RBL2: variants seen among roughly 807,000 people sequenced by gnomAD.
RBL2 encodes RB transcriptional corepressor like 2, also known as retinoblastoma-like protein 2.
RBL2 carries 56 observed loss-of-function variants against 126.0 expected under a neutral mutation model. That is an observed-to-expected ratio of 0.44 (90% CI 0.36 to 0.56). RBL2 has a LOEUF of 0.56. Ranked by LOEUF, RBL2 falls within the 20% of genes least tolerant of loss-of-function variation. The pLI is 0.00. For missense variants in RBL2, 1,229 were observed against 1,398.2 expected, an observed-to-expected ratio of 0.88 and a Z score of 1.93; for synonymous variants, 454 against 478.5, an observed-to-expected ratio of 0.95 and a Z score of 0.67.
Position 53,482,015 on chromosome 16 carries a change from G to C in RBL2, c.3249+180G>C, listed in dbSNP as rs573428368. 1.8e-3 allele frequency among the ~76,000 whole-genome samples: 276 copies of C among 152,168 alleles called. 1 individual carries two copies. The highest frequency in any genetic ancestry group is 3.4e-3 in the Middle Eastern group (1 of 294). On this transcript the variant is annotated intron_variant, in intron 21 of 21. Transcript: ENST00000262133. Reference sequence around the variant, plus strand: ...TTTGTTTTTTGCCTTTTTTGAGGGGGAGGGGGTGGAATTTTAGGGTGGGAA... The same window carrying C: ...TTTGTTTTTTGCCTTTTTTGAGGGGCAGGGGGTGGAATTTTAGGGTGGGAA...
rs1254551761 is a variant in RBL2, at chr16:53,481,788, T to C, written c.3202T>C (p.Ser1068Pro). 1.2e-5 allele frequency: 19 copies of C among 1,593,184 alleles called. No homozygotes were observed. Among genetic ancestry groups the C allele is most frequent in the Non-Finnish European group, 1.6e-5 (18 of 1,161,004 alleles). ...CCCACATAAAAATGAAACAATGCTT[T>C]CTCCTCGAGAAAAGATTTTCTATTA... ...ISPHKNETMLSPREKIFYYFS... is the reference protein window; with the variant it reads ...ISPHKNETMLPPREKIFYYFS... Residue 1068 changes from serine to proline, a missense_variant, in exon 21 of 22, where the codon TCT becomes CCT. This residue lies in a region of RBL2 where 1,070 missense variants were observed against 1,274.3 expected (regional missense o/e 0.84). Coordinates refer to ENST00000262133, the MANE Select transcript of RBL2 (RefSeq NM_005611.4).
rs553666067 is a variant in RBL2, at chr16:53,467,142, C to T, written c.1948C>T (p.Arg650Cys). The change falls in exon 14 of 22, where the codon CGT becomes TGT. Residue 650 changes from arginine to cysteine, a missense_variant. Transcript: ENST00000262133. The stretch of plus-strand genomic sequence containing the variant: ...GACTCCCAGAAGGGTGACTGAAGTT[C>T]GTGCTGATACTGGAGGACTTGGAAG... ...PLTPRRVTEVRADTGGLGRSI... is the reference protein window; with the variant it reads ...PLTPRRVTEVCADTGGLGRSI... 1.7e-4 allele frequency: 267 copies of T among 1,613,576 alleles called. 3 individuals carry two copies. The South Asian group carries it at 2.7e-3, about 16-fold the overall frequency.
At chr16:53,464,584 CTCTA>C (rs1209930479) in intron 12 of RBL2, 7 of 367,108 alleles carry the variant, frequency 1.9e-5, no homozygotes, top group South Asian at 8.7e-5. Context: ...TTTGATTCCT[CTCTA>C]TCTAATAAAA....
chr16:53,485,426 A>C (rs74321956), intron 21 of RBL2, among the ~76,000 whole-genome samples: 1 of 152,358 alleles, frequency 6.6e-6, no homozygotes, highest in Non-Finnish European at 1.5e-5. Flanking sequence ...AGAGAAATAC[A>C]TACACCTATG....
chr16:53,481,734 T>G lies in RBL2; in HGVS notation c.3148T>G (p.Leu1050Val), dbSNP rs775642136. Residue 1050 changes from leucine to valine, a missense_variant, in exon 21 of 22, where the codon TTG becomes GTG. Physicochemically the swap from Leu to Val is conservative, Grantham distance 32. Around this residue, in one of 2 missense-constraint regions of RBL2, gnomAD observed 1,070 missense variants for 1,274.3 expected, o/e 0.84. Transcript: ENST00000262133. ...VRTGSPRRIQ[L>V]SQNHPVYISP... The stretch of plus-strand genomic sequence containing the variant: ...AACAGGCTCCCCTCGCCGAATACAG[T>G]TGTCTCAAAATCATCCTGTCTACAT... 8.7e-6 allele frequency: 14 copies of G among 1,607,542 alleles called. No homozygotes were observed. Among genetic ancestry groups the G allele is most frequent in the Non-Finnish European group, 1.2e-5 (14 of 1,174,072 alleles).
chr16:53,475,880 C>T (rs943537908), intron 17 of RBL2, among the ~76,000 whole-genome samples: 1 of 107,384 alleles, frequency 9.3e-6, no homozygotes, highest in Admixed American at 1.4e-4. Context: ...GCATCTTGCT[C>T]TGTCGCCTAG....
At chr16:53,462,227 G>A (rs1370084197) in intron 10 of RBL2, among the ~76,000 whole-genome samples, 1 of 152,100 alleles carries the variant, frequency 6.6e-6, no homozygotes, top group Non-Finnish European at 1.5e-5. Flanking sequence ...GAACTAAGTA[G>A]GTGTGGACTA....
intron 21 of RBL2, among the ~76,000 whole-genome samples, 167 bp downstream of exon 21, chr16:53,482,002 CT>C: frequency 6.7e-6 from 1 of 150,054 alleles, no homozygotes; most frequent in Non-Finnish European, 1.5e-5. Context: ...TGTTTTTTGC[CT>C]TTTTTGAGGG....
intron 3 of RBL2, chr16:53,445,764 C>G (rs1269479245): frequency 1.4e-4 from 22 of 152,218 alleles, no homozygotes; most frequent in Admixed American, 1.4e-3. Context: ...CACCAAACCC[C>G]ACAGTCTCTG....
At chr16:53,449,414 A>G (rs1302015593) in intron 4 of RBL2, 4 of 151,888 alleles carry the variant, frequency 2.6e-5, no homozygotes, top group African/African-American at 9.7e-5. Flanking sequence ...TCATTAATTC[A>G]GTTTATAATA....
In RBL2 at chr16:53,464,306, T is replaced by A. The variant is rs1225557690; in HGVS notation, c.1641T>A (p.Pro547=). ...TCGTCACTTTTTCTTATAAGCCTCC[T>A]GGGAATTTTCCATTTATTACTGAAA... ...LEVVTFSYKP[P]GNFPFITEIF... is the part of the protein sequence containing the mutation. The change falls in exon 12 of 22, where the codon CCT becomes CCA. Residue 547 remains proline, a synonymous_variant. Coordinates refer to ENST00000262133, the MANE Select transcript of RBL2 (RefSeq NM_005611.4). The A allele has an allele frequency of 1.3e-6, 2 of 1,594,064 alleles. No homozygotes were observed. Among genetic ancestry groups the A allele is most frequent in the South Asian group, 2.2e-5 (2 of 90,454 alleles).
chr16:53,455,699 A>G (rs1041941284), intron 8 of RBL2, among the ~76,000 whole-genome samples: 2 of 152,196 alleles, frequency 1.3e-5, no homozygotes, highest in African/African-American at 4.8e-5. Context: ...GGTGGTTGGG[A>G]ACGGTGTCAC....
At chr16:53,444,143 G>A (rs573188684) in intron 3 of RBL2, among the ~76,000 whole-genome samples, 178 of 151,784 alleles carry the variant, frequency 1.2e-3, no homozygotes, top group African/African-American at 3.9e-3. Flanking sequence ...CAGCTACTCG[G>A]GAGGCTGAGT....
Position 53,465,466 on chromosome 16 carries a change from A to G in RBL2, c.1727A>G (p.Asp576Gly). Reference protein sequence around the residue: ...KVIEVFIRAEDGLCREVVKHL... With the variant: ...KVIEVFIRAEGGLCREVVKHL... ...ATAGAAGTATTCATTAGAGCAGAAG[A>G]TGGCCTTTGTAGAGAGGTGGTAAAA... Residue 576 changes from aspartate (D) to glycine (G), a missense_variant, in exon 13 of 22, where the codon GAT becomes GGT. Physicochemically the swap from Asp to Gly is moderately conservative, Grantham distance 94. Around this residue, in one of 2 missense-constraint regions of RBL2, gnomAD observed 1,070 missense variants for 1,274.3 expected, o/e 0.84. Coordinates refer to ENST00000262133, the MANE Select transcript of RBL2 (RefSeq NM_005611.4). 5.8e-6 allele frequency: 9 copies of G among 1,550,956 alleles called. No individual in the cohort carries two copies. Among genetic ancestry groups the G allele is most frequent in the Non-Finnish European group, 7.8e-6 (9 of 1,150,380 alleles).
intron 21 of RBL2, among the ~76,000 whole-genome samples, chr16:53,484,735 A>T (rs1245816231): frequency 1.3e-5 from 2 of 152,162 alleles, no homozygotes; most frequent in East Asian, 3.8e-4. Flanking sequence ...GAAAGAATTC[A>T]AAAATAGAAT....
chr16:53,485,018 T>C (rs77612344), intron 21 of RBL2, among the ~76,000 whole-genome samples: 1 of 146,196 alleles, frequency 6.8e-6, no homozygotes, highest in African/African-American at 2.5e-5. Context: ...AAAAAAAAAC[T>C]GGTAGTCAAG....
chr16:53,464,299 A>C lies in RBL2; in HGVS notation c.1634A>C (p.Lys545Thr). 2 of 1,597,188 alleles carry C rather than the reference A, an allele frequency of 1.3e-6. No homozygotes were observed. Among genetic ancestry groups the C allele is most frequent in the Non-Finnish European group, 1.7e-6 (2 of 1,165,164 alleles). Residue 545 changes from lysine to threonine, a missense_variant, in exon 12 of 22, where the codon AAG becomes ACG. Around this residue, in one of 2 missense-constraint regions of RBL2, gnomAD observed 1,070 missense variants for 1,274.3 expected, o/e 0.84. Transcript: ENST00000262133. ...CTTGAGGTCGTCACTTTTTCTTATA[A>C]GCCTCCTGGGAATTTTCCATTTATT... Reference protein sequence around the residue: ...CCLEVVTFSYKPPGNFPFITE... With the variant: ...CCLEVVTFSYTPPGNFPFITE...
chr16:53,437,601 T>C (rs1271439067), intron 1 of RBL2, among the ~76,000 whole-genome samples: 3 of 152,240 alleles, frequency 2.0e-5, no homozygotes, highest in African/African-American at 7.2e-5. Context: ...CACAATAGTC[T>C]CATTTGGTTA....
At chr16:53,438,835 T>G (rs1169006046) in intron 1 of RBL2, among the ~76,000 whole-genome samples, 181 bp from the exon 2 acceptor site, 1 of 84,852 alleles carries the variant, frequency 1.2e-5, no homozygotes, top group African/African-American at 5.3e-5. Context: ...CAGAGCAAGA[T>G]TCCATCTCAA....
Sources: gnomAD v4.1 joint callset for allele counts (sites outside exome capture counted in the v4.1 genomes callset) on GRCh38, gnomAD v4.1.1 for gene constraint, gnomAD v4.1.1 regional missense constraint, MANE v1.5 for transcripts, NCBI Gene and HGNC (gene_info 2026-07-23, HGNC 2026-07-21) for gene names.